The following GNL3L variants were observed in gnomAD, a reference collection of about 807,000 sequenced individuals.
The protein encoded by GNL3L is G protein nucleolar 3 like.
Under a neutral mutation model 42.9 loss-of-function variants are expected in GNL3L, and 4 were observed. The observed-to-expected ratio is 0.09, with a 90% confidence interval of 0.05 to 0.21. The LOEUF (loss-of-function observed/expected upper bound fraction) is 0.21. Among genes scored for constraint, GNL3L ranks in the 10% least tolerant of loss-of-function variants. The probability of loss-of-function intolerance (pLI) is 1.00; values close to 1 mark genes in which losing one functional copy is unlikely to be tolerated. For missense variants in GNL3L, 412 were observed against 481.7 expected, an observed-to-expected ratio of 0.86 and a Z score of 1.36; for synonymous variants, 159 against 176.3, an observed-to-expected ratio of 0.90 and a Z score of 0.78.
At chrX:54,534,353 T>G (rs1011605678) in intron 2 of GNL3L, among the ~76,000 whole-genome samples, 1 of 111,142 alleles carries the variant, frequency 9.0e-6, no homozygotes, top group African/African-American at 3.3e-5. Flanking sequence ...GAGCCAAGTA[T>G]CAAGGCAGGA....
intron 16 of GNL3L, among the ~76,000 whole-genome samples, chrX:54,590,348 A>G (rs1489167845): frequency 8.9e-6 from 1 of 112,282 alleles, no homozygotes; most frequent in Non-Finnish European, 1.9e-5. Context: ...TGCCATGTAT[A>G]TGTCTTCTTT....
intron 14 of GNL3L, among the ~76,000 whole-genome samples, 181 bp from the exon 15 acceptor site, chrX:54,558,255 C>T (rs772972523): frequency 6.3e-5 from 7 of 110,867 alleles, no homozygotes; most frequent in Non-Finnish European, 1.1e-4. Context: ...AGATAGGGAA[C>T]TGAGGCTGAG....
intron 16 of GNL3L, among the ~76,000 whole-genome samples, chrX:54,600,328 G>A (rs1242084597): frequency 1.0e-5 from 1 of 99,802 alleles, no homozygotes; most frequent in African/African-American, 3.7e-5. Context: ...CCGGGTTCAA[G>A]TGATTCTCCT....
At position 54,543,198 on chromosome X, in the gene GNL3L, G is replaced by A; in HGVS notation, c.391-9G>A. 5 of 1,209,508 alleles carry A rather than the reference G, an allele frequency of 4.1e-6. No individual in the cohort carries two copies. Among genetic ancestry groups the A allele is most frequent in the Non-Finnish European group, 5.6e-6 (5 of 894,000 alleles). ...TCCTGCCCTCATCTCCTGGTCCTCT[G>A]CCCTGCAGGTGGTGGAATACTCTGA... On this transcript the variant is annotated splice_polypyrimidine_tract_variant and intron_variant, in intron 6 of 15. Coordinates refer to ENST00000360845, the MANE Select transcript of GNL3L (RefSeq NM_001184819.2).
chrX:54,559,850 C>T (rs758929711), intron 15 of GNL3L, among the ~76,000 whole-genome samples: 1 of 112,209 alleles, frequency 8.9e-6, no homozygotes, highest in Non-Finnish European at 1.9e-5. Context: ...CAGACATTCA[C>T]TCTTGGCCTG....
chrX:54,613,647 A>G (rs1270970062), intron 16 of GNL3L, among the ~76,000 whole-genome samples: 1 of 110,731 alleles, frequency 9.0e-6, no homozygotes, highest in Admixed American at 9.6e-5. Flanking sequence ...GTGGCTTCCT[A>G]TGAGTCGAAA....
At chrX:54,546,788 A>G (rs1924786118) in intron 8 of GNL3L, among the ~76,000 whole-genome samples, 1 of 109,467 alleles carries the variant, frequency 9.1e-6, no homozygotes, top group African/African-American at 3.3e-5. Flanking sequence ...CTGGGATGAC[A>G]GGCATGTGCT....
At chrX:54,607,054 TTCTTTCTTTC>T (rs1268578957) in intron 16 of GNL3L, among the ~76,000 whole-genome samples, 1 of 66,679 alleles carries the variant, frequency 1.5e-5, no homozygotes, top group Non-Finnish European at 2.6e-5. Flanking sequence ...CTTTCTTTCT[TTCTTTCTTTC>T]TTTCTTTCTC....
At chrX:54,592,177 T>G (rs1925879723) in intron 16 of GNL3L, among the ~76,000 whole-genome samples, 1 of 112,401 alleles carries the variant, frequency 8.9e-6, no homozygotes, top group Admixed American at 9.4e-5. Flanking sequence ...CTGCTACTTT[T>G]CTGAATTTAC....
At chrX:54,554,465 C>T (rs1925026118) in intron 13 of GNL3L, 100 bp from the exon 14 acceptor site, 3 of 851,325 alleles carry the variant, frequency 3.5e-6, no homozygotes, top group Non-Finnish European at 5.0e-6. Flanking sequence ...CACCTGACTC[C>T]CCTGGGAAGC....
chrX:54,589,603 T>A (rs754044911), intron 16 of GNL3L, among the ~76,000 whole-genome samples: 3 of 112,030 alleles, frequency 2.7e-5, no homozygotes, highest in African/African-American at 9.7e-5. Context: ...GTACTCCATT[T>A]TGTATGTGTA....
At chrX:54,602,079 A>G (rs1160940046) in intron 16 of GNL3L, among the ~76,000 whole-genome samples, 2 of 110,786 alleles carry the variant, frequency 1.8e-5, no homozygotes, top group Non-Finnish European at 3.8e-5. Context: ...CATAGTTTTA[A>G]TTTCTCTAGG....
chrX:54,604,538 T>C (rs1307234159), intron 16 of GNL3L, among the ~76,000 whole-genome samples: 2 of 110,218 alleles, frequency 1.8e-5, no homozygotes, highest in Admixed American at 1.9e-4. Flanking sequence ...ACTCCAGGCA[T>C]AGGAACCAGC....
chrX:54,554,015 G>T (rs1006145630), intron 13 of GNL3L, among the ~76,000 whole-genome samples: 2 of 111,776 alleles, frequency 1.8e-5, no homozygotes, highest in Non-Finnish European at 1.9e-5. Flanking sequence ...CAGGTTTAGT[G>T]GTGAAGGTTT....
At chrX:54,552,215 G>A in intron 12 of GNL3L, 77 bp from the exon 13 acceptor site, 1 of 1,069,998 alleles carries the variant, frequency 9.3e-7, no homozygotes, top group South Asian at 1.9e-5. Context: ...TTTCTGGCCT[G>A]CAAACTCATC....
Position 54,554,601 on chromosome X carries a change from A to C in GNL3L, c.1355A>C (p.Asp452Ala), listed in dbSNP as rs1433686037. ...GGAGAATCTGATGAGCTGTTGGGTG[A>C]CACGGACCCACTTGAAATGGAGATC... ...ATGESDELLG[D>A]TDPLEMEIKL... The change falls in exon 14 of 16, where the codon GAC (aspartate) becomes GCC (alanine). Residue 452 changes from aspartate to alanine, a missense_variant. By Grantham distance (126) the Asp-to-Ala change is moderately radical (BLOSUM62 -2). Coordinates refer to ENST00000360845, the MANE Select transcript of GNL3L (RefSeq NM_001184819.2). 1.7e-6 allele frequency: 2 copies of C among 1,198,948 alleles called. No individual in the cohort carries two copies. The highest frequency in any genetic ancestry group is 3.5e-5 in the African/African-American group (2 of 56,797).
chrX:54,595,805 A>G (rs954823586), intron 16 of GNL3L, among the ~76,000 whole-genome samples: 2 of 112,147 alleles, frequency 1.8e-5, no homozygotes, highest in African/African-American at 6.5e-5. Context: ...TGCTCGATCA[A>G]TTCTGCTATG....
At chrX:54,608,596 C>T (rs1052067792) in intron 16 of GNL3L, among the ~76,000 whole-genome samples, 16 of 110,960 alleles carry the variant, frequency 1.4e-4, no homozygotes, top group African/African-American at 5.2e-4. Context: ...TCAGTGAGAA[C>T]ATACGATACT....
intron 13 of GNL3L, among the ~76,000 whole-genome samples, chrX:54,553,805 T>C (rs892640134): frequency 2.1e-4 from 23 of 111,814 alleles, no homozygotes; most frequent in Non-Finnish European, 1.7e-4. Flanking sequence ...CCTCCCAAAG[T>C]GCTGGGATTA....
Sources: allele counts gnomAD v4.1 joint callset (sites outside exome capture counted in the v4.1 genomes callset), GRCh38; gene constraint gnomAD v4.1.1; transcripts MANE v1.5; gene names NCBI Gene and HGNC (gene_info 2026-07-23, HGNC 2026-07-21).